PDZD2: variants seen among roughly 807,000 people sequenced by gnomAD.
PDZD2 encodes the protein PDZ domain-containing protein 2.
PDZD2 carries 90 observed loss-of-function variants against 220.7 expected under a neutral mutation model. That is an observed-to-expected ratio of 0.41 (90% CI 0.34 to 0.49). The LOEUF is 0.49. Ranked by LOEUF, PDZD2 falls within the 20% of genes least tolerant of loss-of-function variation. PDZD2 has a pLI of 0.28. For synonymous variants in PDZD2, 1,375 were observed against 1,450.5 expected (o/e 0.95, Z 1.18); for missense variants, 3,174 against 3,608.5 (o/e 0.88, Z 3.08).
intron 2 of PDZD2, among the ~76,000 whole-genome samples, chr5:31,971,219 G>A (rs1015805846): frequency 6.6e-6 from 1 of 152,174 alleles, no homozygotes; most frequent in Admixed American, 6.5e-5. Flanking sequence ...CAAGATCAAG[G>A]CACCAGCAAG....
intron 1 of PDZD2, among the ~76,000 whole-genome samples, chr5:31,740,524 C>CAAAAAAAAAAAAAAAAAAAAAAAAAA (rs58965956): frequency 1.7e-5 from 1 of 60,060 alleles, no homozygotes; most frequent in Non-Finnish European, 3.6e-5. Flanking sequence ...GACTCCGTCT[C>CAAAAAAAAAAAAAAAAAAAAAAAAAA]AAAAAAAAAA....
intron 2 of PDZD2, among the ~76,000 whole-genome samples, chr5:31,835,084 G>A (rs1219555534): frequency 1.3e-5 from 2 of 152,012 alleles, no homozygotes; most frequent in African/African-American, 4.8e-5. Context: ...CTCGTGAAGT[G>A]GATTCACCTC....
intron 1 of PDZD2, among the ~76,000 whole-genome samples, chr5:31,654,589 A>C (rs1014410711): frequency 1.3e-5 from 2 of 152,010 alleles, no homozygotes; most frequent in Non-Finnish European, 2.9e-5. Context: ...TCAAACTTTA[A>C]CATCTGAAAC....
Position 32,088,584 on chromosome 5 carries a change from T to G in PDZD2, c.5136T>G (p.Ser1712=). 1.2e-6 allele frequency: 2 copies of G among 1,614,164 alleles called. No homozygotes were observed. Among genetic ancestry groups the G allele is most frequent in the Non-Finnish European group, 1.7e-6 (2 of 1,180,018 alleles). The change falls in exon 20 of 25, where the codon TCT becomes TCG. Residue 1712 remains serine, a synonymous_variant. Transcript: ENST00000438447. The surrounding 1 kb of genome is among the most constrained non-coding windows in gnomAD (Gnocchi z 4.6). The part of the protein sequence containing the change: ...ASSAMENSPL[S]KVARHFHSPP... ...CAGCCATGGAAAACAGTCCGCTGTC[T>G]AAAGTAGCCAGGCATTTTCACAGTC...
At chr5:31,895,217 G>A (rs1050901650) in intron 2 of PDZD2, among the ~76,000 whole-genome samples, 1 of 152,140 alleles carries the variant, frequency 6.6e-6, no homozygotes, top group African/African-American at 2.4e-5. Flanking sequence ...AAGTGCAATG[G>A]ACTGAATGTT....
At chr5:31,942,046 T>G (rs1746256905) in intron 2 of PDZD2, among the ~76,000 whole-genome samples, 1 of 152,234 alleles carries the variant, frequency 6.6e-6, no homozygotes, top group African/African-American at 2.4e-5. Context: ...CCTTGCAAGT[T>G]AGTCACTATT....
At chr5:31,686,007 G>A (rs563493192) in intron 1 of PDZD2, among the ~76,000 whole-genome samples, 23 of 152,180 alleles carry the variant, frequency 1.5e-4, no homozygotes, top group African/African-American at 5.3e-4. Flanking sequence ...AGATCAGCCT[G>A]GCCAACATGG....
At chr5:32,023,487 T>C (rs1754390352) in intron 6 of PDZD2, among the ~76,000 whole-genome samples, 1 of 152,248 alleles carries the variant, frequency 6.6e-6, no homozygotes, top group Non-Finnish European at 1.5e-5. Flanking sequence ...TGGTAAGTGA[T>C]TCTGGGACAC....
intron 2 of PDZD2, among the ~76,000 whole-genome samples, chr5:31,898,129 G>C (rs1741741465): frequency 1.3e-5 from 2 of 152,186 alleles, no homozygotes; most frequent in Admixed American, 1.3e-4. Context: ...CAGGCATTTT[G>C]TTTAGTGATG....
chr5:31,653,996 G>A (rs575841396), intron 1 of PDZD2, among the ~76,000 whole-genome samples: 82 of 152,292 alleles, frequency 5.4e-4, no homozygotes, highest in Admixed American at 7.8e-4. Context: ...GTGTTAGCCA[G>A]TATGGTCTCG....
At chr5:32,096,890 C>T (rs1398243860) in intron 21 of PDZD2, among the ~76,000 whole-genome samples, 1 of 123,326 alleles carries the variant, frequency 8.1e-6, no homozygotes, top group African/African-American at 3.1e-5. Flanking sequence ...GGCTGAAGTG[C>T]AGTGGCGTGA....
At chr5:31,725,856 G>T in intron 1 of PDZD2, 1 of 780,824 alleles carries the variant, frequency 1.3e-6, no homozygotes. Flanking sequence ...CTTCTGCTAC[G>T]CCGTGGTCTT....
chr5:31,913,733 T>C (rs555673402), intron 2 of PDZD2, among the ~76,000 whole-genome samples: 3 of 152,322 alleles, frequency 2.0e-5, no homozygotes, highest in Admixed American at 6.5e-5. Flanking sequence ...TCTGTTTCTT[T>C]AACACCATTG....
intron 2 of PDZD2, among the ~76,000 whole-genome samples, chr5:31,842,974 T>G (rs545443301): frequency 6.6e-6 from 1 of 152,012 alleles, no homozygotes; most frequent in Non-Finnish European, 1.5e-5. Context: ...CTCTGCCTCC[T>G]GGGTTCAAGT....
chr5:31,785,887 T>A (rs1753352413), intron 1 of PDZD2, among the ~76,000 whole-genome samples: 1 of 152,048 alleles, frequency 6.6e-6, no homozygotes, highest in African/African-American at 2.4e-5. Context: ...TCTCACGTCT[T>A]CTTACAGTCG....
rs567061471 is a variant in PDZD2 at position 31,789,212 on chromosome 5, G to T, written c.-360-9677G>T. ...CATTCTAAGCAAGAAAAAGGAAAAAGAGACCCTATATGAAAGGAGCCTCCC... is the reference window on the plus strand; with the variant it reads ...CATTCTAAGCAAGAAAAAGGAAAAATAGACCCTATATGAAAGGAGCCTCCC... On this transcript the variant is annotated intron_variant, in intron 1 of 24. Transcript: ENST00000438447. 1.1e-3 allele frequency among the ~76,000 whole-genome samples: 166 copies of T among 152,266 alleles called. 1 individual carries two copies. In the South Asian group the frequency reaches 0.019, roughly 17 times the overall value.
intron 19 of PDZD2, among the ~76,000 whole-genome samples, chr5:32,084,045 C>T (rs1204173382): frequency 1.3e-5 from 2 of 152,176 alleles, no homozygotes; most frequent in Admixed American, 6.5e-5. Flanking sequence ...CCCACCACCA[C>T]CCGCACTACC....
At position 32,027,944 on chromosome 5, in the gene PDZD2, C is replaced by A. The variant is rs978840498; in HGVS notation, c.1408-9287C>A. Among the ~76,000 whole-genome samples the A allele has an allele frequency of 4.0e-5, 6 of 148,564 alleles. No homozygotes were observed. In the Admixed American group the frequency reaches 4.1e-4, roughly 10 times the overall value. The stretch of plus-strand genomic sequence containing the variant: ...TGTGACTGAAGCCTGAAAGGGAAAT[C>A]GCTGCGTTCCACTGTCCTATGGACA... On this transcript the variant is annotated intron_variant, in intron 6 of 24. Coordinates refer to ENST00000438447, the MANE Select transcript of PDZD2 (RefSeq NM_178140.4).
chr5:31,708,161 A>G (rs922152371), intron 1 of PDZD2, among the ~76,000 whole-genome samples: 3 of 152,172 alleles, frequency 2.0e-5, no homozygotes, highest in African/African-American at 4.8e-5. Context: ...TTTTCACTGT[A>G]TCTTTTGCAG....
Sources: allele counts gnomAD v4.1 joint callset (sites outside exome capture counted in the v4.1 genomes callset), GRCh38; gene constraint gnomAD v4.1.1; non-coding constraint Gnocchi (gnomAD v3.1); transcripts MANE v1.5; gene names NCBI Gene and HGNC (gene_info 2026-07-23, HGNC 2026-07-21).